The following POU6F2 variants were observed in gnomAD, a reference collection of about 807,000 sequenced individuals.
POU6F2 encodes POU domain, class 6, transcription factor 2.
POU6F2 carries 31 observed loss-of-function variants against 71.3 expected under a neutral mutation model. The ratio of observed to expected loss-of-function variants is 0.43; its 90% CI spans 0.33 to 0.59. The LOEUF (loss-of-function observed/expected upper bound fraction) is 0.59, where lower values mean the gene tolerates loss of function less well. POU6F2 is among the 20% of genes least tolerant of loss of function. POU6F2 has a pLI of 0.04. For synonymous variants in POU6F2, 347 were observed against 355.7 expected (o/e 0.98, Z 0.27); for missense variants, 783 against 856.8 (o/e 0.91, Z 1.07).
chr7:39,261,130 A>G (rs1357685240), intron 4 of POU6F2, among the ~76,000 whole-genome samples: 1 of 152,062 alleles, frequency 6.6e-6, no homozygotes, highest in Non-Finnish European at 1.5e-5. Flanking sequence ...CCTTTGGTCA[A>G]CAATGAAAGC....
intron 5 of POU6F2, among the ~76,000 whole-genome samples, chr7:39,347,034 G>A (rs950959439): frequency 2.6e-5 from 4 of 152,152 alleles, no homozygotes; most frequent in African/African-American, 7.2e-5. Flanking sequence ...TTGAATGCTC[G>A]CTGTGCTGGA....
At chr7:39,373,609 T>G (rs182602035) in intron 5 of POU6F2, 1 of 438,874 alleles carries the variant, frequency 2.3e-6, no homozygotes, top group Non-Finnish European at 4.6e-6. Context: ...GCTAACTGTA[T>G]GCATTTACTG....
At chr7:39,048,827 A>G (rs1260102511) in intron 1 of POU6F2, among the ~76,000 whole-genome samples, 1 of 151,704 alleles carries the variant, frequency 6.6e-6, no homozygotes, top group Non-Finnish European at 1.5e-5. Context: ...TTTTTCCACA[A>G]CTTCCCAGCA....
chr7:39,212,001 C>G (rs1254835911), intron 4 of POU6F2, among the ~76,000 whole-genome samples: 1 of 149,012 alleles, frequency 6.7e-6, no homozygotes, highest in Non-Finnish European at 1.5e-5. Context: ...TCTCCATCAT[C>G]TTTATCCTTA....
chr7:39,413,703 A>G lies in POU6F2; in HGVS notation c.1113+6963A>G, dbSNP rs79450866. Among the ~76,000 whole-genome samples, 8 of 152,320 alleles carry G rather than the reference A, an allele frequency of 5.3e-5. No homozygotes were observed. The South Asian group carries it at 1.2e-3, about 24-fold the overall frequency. ...TTTTTAATCGAATAACATTTCTTAAATCAGCTCTTTCTAGAGACTGGGAAA... is the reference window on the plus strand; with the variant it reads ...TTTTTAATCGAATAACATTTCTTAAGTCAGCTCTTTCTAGAGACTGGGAAA... On this transcript the variant is annotated intron_variant, in intron 6 of 9. Coordinates refer to ENST00000518318, the MANE Select transcript of POU6F2 (RefSeq NM_001370959.1).
chr7:39,017,110 G>C (rs1361272874), intron 1 of POU6F2, among the ~76,000 whole-genome samples: 1 of 152,030 alleles, frequency 6.6e-6, no homozygotes, highest in Admixed American at 6.5e-5. Context: ...TGAGTTCCTT[G>C]GGGCAAGAAC....
intron 1 of POU6F2, among the ~76,000 whole-genome samples, chr7:39,000,977 T>C (rs1266606199): frequency 1.3e-5 from 2 of 152,240 alleles, no homozygotes; most frequent in Admixed American, 6.5e-5. Flanking sequence ...GCAGTATTTA[T>C]CGTTTAAAAT....
intron 2 of POU6F2, among the ~76,000 whole-genome samples, chr7:39,105,663 A>G (rs1281884481): frequency 6.6e-6 from 1 of 152,248 alleles, no homozygotes; most frequent in Non-Finnish European, 1.5e-5. Flanking sequence ...ACTCAGAATT[A>G]TCTGTAGTTA....
At chr7:39,074,720 G>A (rs1484405368) in intron 1 of POU6F2, among the ~76,000 whole-genome samples, 1 of 152,032 alleles carries the variant, frequency 6.6e-6, no homozygotes, top group African/African-American at 2.4e-5. Flanking sequence ...TCAGGCAGCA[G>A]ATCATGAATC....
At chr7:39,324,655 T>C (rs1381940343) in intron 4 of POU6F2, among the ~76,000 whole-genome samples, 1 of 152,226 alleles carries the variant, frequency 6.6e-6, no homozygotes, top group African/African-American at 2.4e-5. Flanking sequence ...AAAATAATAC[T>C]ATTTTACTTC....
intron 1 of POU6F2, among the ~76,000 whole-genome samples, chr7:39,015,326 A>C (rs1332868283): frequency 2.2e-5 from 3 of 136,414 alleles, no homozygotes; most frequent in Non-Finnish European, 4.6e-5. Context: ...AATAGATATA[A>C]TATATATTAT....
chr7:39,451,832 G>T (rs1178195307), intron 8 of POU6F2, 131 bp downstream of exon 8: 8 of 1,172,226 alleles, frequency 6.8e-6, no homozygotes, highest in Non-Finnish European at 9.6e-6. Context: ...GGAATTTCCT[G>T]GCACTGCTAG....
At position 39,145,696 on chromosome 7, in the gene POU6F2, G is replaced by T. The variant is rs562165682; in HGVS notation, c.278-58539G>T. On this transcript the variant is annotated intron_variant, in intron 2 of 9. Coordinates refer to ENST00000518318, the MANE Select transcript of POU6F2 (RefSeq NM_001370959.1). Reference sequence around the variant, plus strand: ...GGGAAAGAACAGCTCCAGTGGAAAGGTTGGTACCCCAGACTTCTCACCCCT... The same window carrying T: ...GGGAAAGAACAGCTCCAGTGGAAAGTTTGGTACCCCAGACTTCTCACCCCT... Among the ~76,000 whole-genome samples the T allele has an allele frequency of 5.4e-4, 82 of 152,326 alleles. No individual in the cohort carries two copies. In the South Asian group the frequency reaches 0.016, roughly 30 times the overall value.
intron 4 of POU6F2, among the ~76,000 whole-genome samples, chr7:39,285,351 T>C (rs1784633382): frequency 6.6e-6 from 1 of 152,190 alleles, no homozygotes; most frequent in Non-Finnish European, 1.5e-5. Flanking sequence ...ATAAAACCTG[T>C]AGGATGTATG....
intron 1 of POU6F2, among the ~76,000 whole-genome samples, chr7:39,009,792 T>A (rs1315022918): frequency 6.6e-6 from 1 of 151,246 alleles, no homozygotes; most frequent in Admixed American, 6.6e-5. Flanking sequence ...ATGTGGTTTT[T>A]GTCTTTGGCT....
intron 4 of POU6F2, among the ~76,000 whole-genome samples, chr7:39,261,533 C>T (rs1341701440): frequency 3.3e-5 from 5 of 152,184 alleles, no homozygotes; most frequent in African/African-American, 1.2e-4. Flanking sequence ...GAATCTTCCC[C>T]ACAATCCTCA....
chr7:39,278,694 T>C (rs1200609682), intron 4 of POU6F2, among the ~76,000 whole-genome samples: 1 of 152,128 alleles, frequency 6.6e-6, no homozygotes, highest in Non-Finnish European at 1.5e-5. Context: ...AAAGCCCCTG[T>C]AGCCAGCAGC....
intron 8 of POU6F2, among the ~76,000 whole-genome samples, chr7:39,455,361 G>A (rs1327969725): frequency 6.6e-6 from 1 of 152,150 alleles, no homozygotes; most frequent in African/African-American, 2.4e-5. Context: ...ATAGCACAGT[G>A]AAACCCCTGT....
At chr7:39,212,500 A>G (rs1562749069) in intron 4 of POU6F2, among the ~76,000 whole-genome samples, 2 of 152,262 alleles carry the variant, frequency 1.3e-5, no homozygotes, top group East Asian at 3.9e-4. Flanking sequence ...CCTATGTGAA[A>G]TAAGTGAGTT....
Sources: gnomAD v4.1 joint callset for allele counts (sites outside exome capture counted in the v4.1 genomes callset) on GRCh38, gnomAD v4.1.1 for gene constraint, MANE v1.5 for transcripts, NCBI Gene and HGNC (gene_info 2026-07-23, HGNC 2026-07-21) for gene names.